WDR25: variants seen among roughly 807,000 people sequenced by gnomAD.
WDR25 encodes WD repeat domain 25.
Under a neutral mutation model 47.7 loss-of-function variants are expected in WDR25, and 35 were observed. The observed-to-expected ratio is 0.73, with a 90% CI of 0.56 to 0.97. The LOEUF (loss-of-function observed/expected upper bound fraction) is 0.97, where lower values mean the gene tolerates loss of function less well. Ranked by LOEUF, WDR25 falls within the 50% of genes least tolerant of loss-of-function variation. The probability of loss-of-function intolerance (pLI) is 0.00; values close to 1 mark genes in which losing one functional copy is unlikely to be tolerated. For synonymous variants in WDR25, 248 were observed against 278.9 expected, an observed-to-expected ratio of 0.89 and a Z score of 1.10; for missense variants, 634 against 704.7, an observed-to-expected ratio of 0.90 and a Z score of 1.14.
intron 2 of WDR25, among the ~76,000 whole-genome samples, chr14:100,401,125 G>C (rs1446625414): frequency 6.6e-6 from 1 of 152,166 alleles, no homozygotes; most frequent in East Asian, 1.9e-4. Context: ...TCATAATTCA[G>C]TTTTTGTCTC....
At chr14:100,453,845 C>T (rs1421401031) in intron 2 of WDR25, among the ~76,000 whole-genome samples, 1 of 152,220 alleles carries the variant, frequency 6.6e-6, no homozygotes, top group Non-Finnish European at 1.5e-5. Context: ...CTTCTTTGCC[C>T]TTTTACATCT....
chr14:100,468,186 C>T lies in WDR25; in HGVS notation c.970+18C>T, dbSNP rs755628133. ...TGAAACAGGTGCGTTTCTTGTGTCA[C>T]CTCCCTGAGGTGAGCTGGCAGCTCT... On this transcript the variant is annotated intron_variant, in intron 3 of 6. Transcript: ENST00000402312. The surrounding 1 kb of genome is among the most constrained non-coding windows in gnomAD (Gnocchi z 4.5). 4.4e-6 allele frequency: 7 copies of T among 1,606,458 alleles called. No individual in the cohort carries two copies. Among genetic ancestry groups the T allele is most frequent in the East Asian group, 2.2e-5 (1 of 44,782 alleles).
chr14:100,381,308 C>T lies in WDR25; in HGVS notation c.384C>T (p.Pro128=), dbSNP rs11558244. 6.2e-7 allele frequency: 1 copy of T among 1,614,176 alleles called. No individual in the cohort carries two copies. Among genetic ancestry groups the T allele is most frequent in the Non-Finnish European group, 8.5e-7 (1 of 1,180,022 alleles). The change falls in exon 2 of 7, where the codon CCC becomes CCT. Residue 128 remains proline, a synonymous_variant. Coordinates refer to ENST00000402312, the MANE Select transcript of WDR25 (RefSeq NM_001161476.3). Reference sequence around the variant, plus strand: ...GCCATGTTCCAGCCAGCCACATGCCCCTGGCAGCTGCCCGCTTTAAGCAAG... The same window carrying T: ...GCCATGTTCCAGCCAGCCACATGCCTCTGGCAGCTGCCCGCTTTAAGCAAG... ...WTSHVPASHM[P]LAAARFKQVK...
intron 4 of WDR25, among the ~76,000 whole-genome samples, chr14:100,515,380 A>G (rs1265781357): frequency 6.6e-6 from 1 of 151,786 alleles, no homozygotes; most frequent in African/African-American, 2.4e-5. Context: ...ATTCATATTC[A>G]GGGTTTTTGG....
rs1230186732 is a variant in WDR25, at chr14:100,464,072, C to G, written c.823-3949C>G. On this transcript the variant is annotated intron_variant, in intron 2 of 6. Transcript: ENST00000402312. ...TTCCCCTCCGTTCCACCTGCAGAAC[C>G]CTGGGATGCCCCAACGGCTTGTGGT... is the stretch of plus-strand genomic sequence containing the variant. Among the ~76,000 whole-genome samples, 7 of 152,206 alleles carry G rather than the reference C, an allele frequency of 4.6e-5. No homozygotes were observed. The East Asian group carries it at 7.7e-4, about 17-fold the overall frequency.
At chr14:100,394,407 C>T (rs867470364) in intron 2 of WDR25, among the ~76,000 whole-genome samples, 146 of 152,270 alleles carry the variant, frequency 9.6e-4, no homozygotes, top group African/African-American at 3.2e-3. Context: ...GTGAATTCCT[C>T]GGGCCTTGCT....
chr14:100,435,981 A>C (rs1485268170), intron 2 of WDR25, among the ~76,000 whole-genome samples: 1 of 152,130 alleles, frequency 6.6e-6, no homozygotes, highest in Non-Finnish European at 1.5e-5. Flanking sequence ...GTTGACTCTG[A>C]GCAAATCATT....
Position 100,529,348 on chromosome 14 carries a change from T to C in WDR25, c.1413+140T>C. 1 of 1,271,994 alleles carries C rather than the reference T, an allele frequency of 7.9e-7. No homozygotes were observed. The highest frequency in any genetic ancestry group is 1.1e-6 in the Non-Finnish European group (1 of 922,676). 78.8% of individuals were successfully genotyped at this position (1,271,994 alleles called of 1,614,324 possible). ...CTGTTTCCTGGGTGAGCGCATGCCATGTGGCTCACTGTCTCTTCAAGTCCC... is the reference window on the plus strand; with the variant it reads ...CTGTTTCCTGGGTGAGCGCATGCCACGTGGCTCACTGTCTCTTCAAGTCCC... On this transcript the variant is annotated intron_variant, in intron 6 of 6. Coordinates refer to ENST00000402312, the MANE Select transcript of WDR25 (RefSeq NM_001161476.3). The surrounding 1 kb of genome is among the most constrained non-coding windows in gnomAD (Gnocchi z 5.1).
At position 100,502,062 on chromosome 14, in the gene WDR25, C is replaced by T. The variant is rs1239501799; in HGVS notation, c.1101+17938C>T. Among the ~76,000 whole-genome samples, 1 of 152,208 alleles carries T rather than the reference C, an allele frequency of 6.6e-6. No homozygotes were observed. Among genetic ancestry groups the T allele is most frequent in the African/African-American group, 2.4e-5 (1 of 41,462 alleles). On this transcript the variant is annotated intron_variant, in intron 4 of 6. Transcript: ENST00000402312. The surrounding 1 kb of genome is among the most constrained non-coding windows in gnomAD (Gnocchi z 4.5). ...CCTCCCCGGGTCCCGTGACCTGTCC[C>T]CAGACAGCTCTTTGGGCTGTTTGAT...
intron 2 of WDR25, among the ~76,000 whole-genome samples, chr14:100,411,346 T>C (rs919505332): frequency 6.6e-6 from 1 of 152,116 alleles, no homozygotes; most frequent in African/African-American, 2.4e-5. Flanking sequence ...TTAGTGCCAC[T>C]GTCACATTTT....
chr14:100,468,087 G>A lies in WDR25; in HGVS notation c.889G>A (p.Ala297Thr). 6.2e-7 allele frequency: 1 copy of A among 1,613,468 alleles called. No individual in the cohort carries two copies. Among genetic ancestry groups the A allele is most frequent in the Non-Finnish European group, 8.5e-7 (1 of 1,180,026 alleles). The change falls in exon 3 of 7, where the codon GCC (alanine) becomes ACC (threonine). Residue 297 changes from alanine to threonine, a missense_variant. Ala to Thr is a moderately conservative substitution (Grantham distance 58). Transcript: ENST00000402312. The surrounding 1 kb of genome is among the most constrained non-coding windows in gnomAD (Gnocchi z 4.5). ...CTCCCTGCACACAGAGGCAGTGCGG[G>A]CCGCCCGGTGGGCTCCCTGTGGCCG... ...TYSLHTEAVR[A>T]ARWAPCGRRI... is the part of the protein sequence containing the mutation.
In WDR25 at chr14:100,474,175, C is replaced by T. The variant is rs141776625; in HGVS notation, c.970+6007C>T. On this transcript the variant is annotated intron_variant, in intron 3 of 6. Transcript: ENST00000402312. ...TTTCCAAGGCCAGTCTCTGTTGCCA[C>T]GAATATCCTTCGTTTCTCACTCTGA... is the stretch of plus-strand genomic sequence containing the variant. Among the ~76,000 whole-genome samples, 72 of 152,330 alleles carry T rather than the reference C, an allele frequency of 4.7e-4. 1 individual carries two copies. The East Asian group carries it at 9.3e-3, about 20-fold the overall frequency.
chr14:100,479,856 A>G (rs1318480131), intron 3 of WDR25, among the ~76,000 whole-genome samples: 1 of 152,108 alleles, frequency 6.6e-6, no homozygotes, highest in South Asian at 2.1e-4. Flanking sequence ...AGATTCTCAT[A>G]CGAACGGAGC....
At chr14:100,501,052 A>G (rs1258292073) in intron 4 of WDR25, among the ~76,000 whole-genome samples, 2 of 152,196 alleles carry the variant, frequency 1.3e-5, no homozygotes, top group Non-Finnish European at 2.9e-5. Context: ...TACTGTGTGC[A>G]CCGGGCGACC....
At position 100,381,209 on chromosome 14, in the gene WDR25, G is replaced by C; in HGVS notation, c.285G>C (p.Arg95Ser). ...ATTGGGGATCTTGCCCCAGCCAGAG[G>C]CTACAGTGGCCCGGGAAGGAGCCTC... is the stretch of plus-strand genomic sequence containing the variant. ...RSDWGSCPSQRLQWPGKEPQV... is the reference protein window; with the variant it reads ...RSDWGSCPSQSLQWPGKEPQV... Residue 95 changes from arginine (R) to serine (S), a missense_variant, in exon 2 of 7, where the codon AGG becomes AGC. Physicochemically the swap from Arg to Ser is moderately radical, Grantham distance 110. Coordinates refer to ENST00000402312, the MANE Select transcript of WDR25 (RefSeq NM_001161476.3). 1 of 1,613,162 alleles carries C rather than the reference G, an allele frequency of 6.2e-7. No homozygotes were observed. The highest frequency in any genetic ancestry group is 8.5e-7 in the Non-Finnish European group (1 of 1,179,526).
At position 100,529,243 on chromosome 14, in the gene WDR25, G is replaced by A. The variant is rs769661157; in HGVS notation, c.1413+35G>A. The A allele has an allele frequency of 5.1e-5, 82 of 1,611,200 alleles. No individual in the cohort carries two copies. The highest frequency in any genetic ancestry group is 6.7e-5 in the Non-Finnish European group (79 of 1,179,432). ...TCCTTGTCCCCCAGGCGAATGCTGA[G>A]CCCCAGCCCCAAGCCTCCTGGCAGT... On this transcript the variant is annotated intron_variant, in intron 6 of 6. Coordinates refer to ENST00000402312, the MANE Select transcript of WDR25 (RefSeq NM_001161476.3). The surrounding 1 kb of genome is among the most constrained non-coding windows in gnomAD (Gnocchi z 5.1).
chr14:100,465,361 T>A (rs1438403860), intron 2 of WDR25, among the ~76,000 whole-genome samples: 1 of 151,978 alleles, frequency 6.6e-6, no homozygotes, highest in South Asian at 2.1e-4. Flanking sequence ...CAACTCCCCA[T>A]TCCCCCTCCC....
intron 3 of WDR25, among the ~76,000 whole-genome samples, chr14:100,472,597 C>T (rs1054590472): frequency 3.3e-5 from 5 of 152,254 alleles, no homozygotes; most frequent in Non-Finnish European, 5.9e-5. Flanking sequence ...CAGGCCATTT[C>T]CCCACATGGG....
chr14:100,402,526 G>T (rs560750462), intron 2 of WDR25, among the ~76,000 whole-genome samples: 1 of 152,160 alleles, frequency 6.6e-6, no homozygotes, highest in South Asian at 2.1e-4. Flanking sequence ...TCAGCCAGGG[G>T]CCAGGGGTCC....
Sources: gnomAD v4.1 joint callset for allele counts (sites outside exome capture counted in the v4.1 genomes callset) on GRCh38, gnomAD v4.1.1 for gene constraint, Gnocchi (gnomAD v3.1) non-coding constraint, MANE v1.5 for transcripts, NCBI Gene and HGNC (gene_info 2026-07-23, HGNC 2026-07-21) for gene names.